The following KCNIP1 variants were observed in gnomAD, a reference collection of about 807,000 sequenced individuals.
KCNIP1 encodes A-type potassium channel modulatory protein KCNIP1.
A neutral mutation model predicts 33.0 loss-of-function variants in KCNIP1; 18 were observed. That is an observed-to-expected ratio of 0.55 (90% CI 0.38 to 0.81). The LOEUF (loss-of-function observed/expected upper bound fraction) is 0.81, where lower values mean the gene tolerates loss of function less well. KCNIP1 is among the 30% of genes least tolerant of loss of function. The pLI, the probability that KCNIP1 is intolerant of heterozygous loss-of-function variation, is 0.00. For missense variants in KCNIP1, 238 were observed against 271.6 expected, an observed-to-expected ratio of 0.88 and a Z score of 0.87; for synonymous variants, 93 against 98.3, an observed-to-expected ratio of 0.95 and a Z score of 0.32.
intron 1 of KCNIP1, among the ~76,000 whole-genome samples, chr5:170,425,182 T>C (rs557876220): frequency 6.6e-6 from 1 of 152,334 alleles, no homozygotes; most frequent in African/African-American, 2.4e-5. Flanking sequence ...CCCACTATAA[T>C]GTAAGCTCCA....
chr5:170,656,290 T>C (rs534682469), intron 1 of KCNIP1, among the ~76,000 whole-genome samples: 2 of 152,364 alleles, frequency 1.3e-5, no homozygotes, highest in South Asian at 4.1e-4. Context: ...CAAGAATTAA[T>C]TGCAATTTTA....
At chr5:170,385,180 G>C in intron 1 of KCNIP1, 1 of 975,560 alleles carries the variant, frequency 1.0e-6, no homozygotes, top group Non-Finnish European at 1.6e-6. Context: ...TAGAACCTAA[G>C]AATGAGCATC....
chr5:170,406,645 G>A (rs767997737), intron 1 of KCNIP1, among the ~76,000 whole-genome samples: 11 of 152,112 alleles, frequency 7.2e-5, no homozygotes, highest in Non-Finnish European at 1.5e-4. Context: ...CCAGGAAAGC[G>A]GTTTATTTCT....
At chr5:170,452,845 A>C (rs1040376717) in intron 1 of KCNIP1, among the ~76,000 whole-genome samples, 2 of 152,222 alleles carry the variant, frequency 1.3e-5, no homozygotes, top group African/African-American at 4.8e-5. Flanking sequence ...GTGATTAAGG[A>C]ATTGTTATTC....
At chr5:170,568,554 T>C (rs1014721315) in intron 1 of KCNIP1, among the ~76,000 whole-genome samples, 1 of 145,202 alleles carries the variant, frequency 6.9e-6, no homozygotes, top group African/African-American at 2.5e-5. Flanking sequence ...GGCTCACACC[T>C]GTAATCCCAG....
rs938373562 is a variant in KCNIP1 at position 170,399,557 on chromosome 5, A to T, written c.88+45593A>T. Among the ~76,000 whole-genome samples the T allele has an allele frequency of 7.3e-4, 111 of 152,340 alleles. 1 individual carries two copies. Among genetic ancestry groups the T allele is most frequent in the African/African-American group, 2.5e-3 (104 of 41,572 alleles). On this transcript the variant is annotated intron_variant, in intron 1 of 7. Coordinates refer to the KCNIP1 transcript ENST00000377360. The stretch of plus-strand genomic sequence containing the variant: ...AGGGGGAAAATAAAAATCAATCAAG[A>T]TTCAATATCCTGAGGAAACCACAGT...
intron 1 of KCNIP1, among the ~76,000 whole-genome samples, chr5:170,428,303 G>C (rs1446769786): frequency 1.3e-5 from 2 of 152,202 alleles, no homozygotes; most frequent in Admixed American, 6.5e-5. Context: ...CTATGCTTAA[G>C]GGGCTTTGCC....
intron 1 of KCNIP1, among the ~76,000 whole-genome samples, chr5:170,562,589 A>G (rs1757070358): frequency 6.6e-6 from 1 of 152,154 alleles, no homozygotes; most frequent in Non-Finnish European, 1.5e-5. Flanking sequence ...TTATTTTGCA[A>G]AAGCCTTTCC....
intron 1 of KCNIP1, among the ~76,000 whole-genome samples, chr5:170,682,791 T>C (rs1762399866): frequency 1.5e-5 from 2 of 129,840 alleles, no homozygotes; most frequent in African/African-American, 5.7e-5. Context: ...TTTCTTTTTT[T>C]TTTTTTTTTT....
At chr5:170,681,747 G>C (rs1762359098) in intron 1 of KCNIP1, among the ~76,000 whole-genome samples, 1 of 152,172 alleles carries the variant, frequency 6.6e-6, no homozygotes, top group Non-Finnish European at 1.5e-5. Flanking sequence ...TCCTTAGTGA[G>C]AATGGGGTTA....
intron 1 of KCNIP1, among the ~76,000 whole-genome samples, chr5:170,715,167 A>G (rs1171867040): frequency 6.6e-6 from 1 of 152,232 alleles, no homozygotes; most frequent in Non-Finnish European, 1.5e-5. Flanking sequence ...AATTGCCTAC[A>G]GTATTCAGTA....
At chr5:170,645,177 C>T (rs912129184) in intron 1 of KCNIP1, among the ~76,000 whole-genome samples, 2 of 152,098 alleles carry the variant, frequency 1.3e-5, no homozygotes, top group Non-Finnish European at 1.5e-5. Context: ...AGAAATAAAT[C>T]TTATGATTAC....
intron 1 of KCNIP1, among the ~76,000 whole-genome samples, chr5:170,508,744 C>T (rs1754814395): frequency 6.6e-6 from 1 of 152,216 alleles, no homozygotes; most frequent in Non-Finnish European, 1.5e-5. Context: ...TAAAATTCCA[C>T]CGACATTCCA....
At chr5:170,401,130 ACT>A (rs1264011055) in intron 1 of KCNIP1, among the ~76,000 whole-genome samples, 8 of 151,822 alleles carry the variant, frequency 5.3e-5, no homozygotes, top group African/African-American at 1.5e-4. Flanking sequence ...TGAGCCAGAG[ACT>A]CTCTCTGAGC....
rs1755934870 is a variant in KCNIP1, at chr5:170,439,337, G to A, written c.88+85373G>A. 2.0e-5 allele frequency among the ~76,000 whole-genome samples: 3 copies of A among 152,342 alleles called. No homozygotes were observed. In the South Asian group the frequency reaches 6.2e-4, roughly 32 times the overall value. On this transcript the variant is annotated intron_variant, in intron 1 of 7. Transcript: ENST00000377360. ...TTCCACAAATTGAAGCATTTATGAAGCTCAGCAGGCAACCTGGCAGGCAGG... is the reference window on the plus strand; with the variant it reads ...TTCCACAAATTGAAGCATTTATGAAACTCAGCAGGCAACCTGGCAGGCAGG...
At chr5:170,575,050 C>A (rs1484714615) in intron 1 of KCNIP1, among the ~76,000 whole-genome samples, 2 of 151,952 alleles carry the variant, frequency 1.3e-5, no homozygotes, top group Non-Finnish European at 2.9e-5. Flanking sequence ...CAGTACAAGG[C>A]AGTAGAGGCA....
chr5:170,535,560 G>A (rs536981981), intron 1 of KCNIP1, among the ~76,000 whole-genome samples: 13 of 152,242 alleles, frequency 8.5e-5, no homozygotes, highest in African/African-American at 3.1e-4. Flanking sequence ...GCTCCCTCCT[G>A]CTTGGCCCCA....
rs369780241 is a variant in KCNIP1 at position 170,441,821 on chromosome 5, G to A, written c.88+87857G>A. On this transcript the variant is annotated intron_variant, in intron 1 of 7. Transcript: ENST00000377360. ...AAAAAAACTAGCTGGGCATGGTGGC[G>A]GGCACCTGTAGTCCTAGCTACTCGG... Among the ~76,000 whole-genome samples the A allele has an allele frequency of 3.7e-3, 566 of 151,950 alleles. 3 individuals are homozygous for A. Among genetic ancestry groups the A allele is most frequent in the African/African-American group, 0.013 (544 of 41,424 alleles).
intron 1 of KCNIP1, among the ~76,000 whole-genome samples, chr5:170,591,063 C>T (rs1758236416): frequency 6.6e-6 from 1 of 152,244 alleles, no homozygotes; most frequent in South Asian, 2.1e-4. Flanking sequence ...GTCAAGCCAA[C>T]CACCATGCCC....
Sources: gnomAD v4.1 joint callset for allele counts (sites outside exome capture counted in the v4.1 genomes callset) on GRCh38, gnomAD v4.1.1 for gene constraint, MANE v1.5 for transcripts, NCBI Gene and HGNC (gene_info 2026-07-23, HGNC 2026-07-21) for gene names.